Variants in CEP152 observed in about 807,000 individuals in gnomAD.
CEP152 encodes the protein centrosomal protein 152, also known as centrosomal protein of 152 kDa.
In CEP152, 132 loss-of-function variants were observed where a neutral mutation model predicts 188.9. That is an observed-to-expected ratio of 0.70 (90% CI 0.61 to 0.81). The LOEUF is 0.81. Among genes scored for constraint, CEP152 ranks in the 30% least tolerant of loss-of-function variants. The pLI is 0.00. For synonymous variants in CEP152, 649 were observed against 666.6 expected, an observed-to-expected ratio of 0.97 and a Z score of 0.41; for missense variants, 1,914 against 1,969.8, an observed-to-expected ratio of 0.97 and a Z score of 0.54.
intron 2 of CEP152, among the ~76,000 whole-genome samples, chr15:48,798,956 CTTAAA>C (rs1897502705): frequency 6.6e-6 from 1 of 152,102 alleles, no homozygotes; most frequent in Non-Finnish European, 1.5e-5. Flanking sequence ...TAATGTATTT[CTTAAA>C]TTATGTAACA....
intron 8 of CEP152, chr15:48,789,308 C>A: frequency 2.3e-6 from 1 of 426,912 alleles, no homozygotes; most frequent in Non-Finnish European, 4.4e-6. Context: ...CTGCTGATGC[C>A]GTGATGGCCC....
chr15:48,743,615 C>T (rs1432766382), intron 24 of CEP152, among the ~76,000 whole-genome samples: 1 of 152,176 alleles, frequency 6.6e-6, no homozygotes, highest in African/African-American at 2.4e-5. Flanking sequence ...GTAATCCCAG[C>T]ACTTTGCGAG....
Position 48,760,191 on chromosome 15 carries a change from C to A in CEP152, c.2638G>T (p.Val880Leu). Residue 880 changes from valine to leucine, a missense_variant, in exon 19 of 27, where the codon GTG (valine) becomes TTG (leucine). By Grantham distance (32) the Val-to-Leu change is conservative. Coordinates refer to ENST00000380950, the MANE Select transcript of CEP152 (RefSeq NM_001194998.2). ...LPELAEYQAL[V>L]KAEQKKWEEQ... Reference sequence around the variant, plus strand: ...TCCCACTTTTTCTGTTCTGCCTTCACAAGTGCTTGATACTCTGCCAGCTCT... The same window carrying A: ...TCCCACTTTTTCTGTTCTGCCTTCAAAAGTGCTTGATACTCTGCCAGCTCT... 1.2e-6 allele frequency: 2 copies of A among 1,614,100 alleles called. No individual in the cohort carries two copies. The highest frequency in any genetic ancestry group is 1.7e-6 in the Non-Finnish European group (2 of 1,179,976).
chr15:48,787,377 C>T (rs1376130790), intron 9 of CEP152, among the ~76,000 whole-genome samples: 4 of 151,898 alleles, frequency 2.6e-5, no homozygotes, highest in African/African-American at 9.6e-5. Context: ...CACTATTTTG[C>T]CCAGGCTAGT....
chr15:48,782,005 A>G (rs1896278670), intron 11 of CEP152, 134 bp downstream of exon 11: 3 of 760,492 alleles, frequency 3.9e-6, no homozygotes, highest in Non-Finnish European at 6.8e-6. Flanking sequence ...GGAGATGGTG[A>G]ACAACTCCCA....
In CEP152 at chr15:48,742,011, G is replaced by A. The variant is rs957548078; in HGVS notation, c.3925C>T (p.Arg1309Ter). 22 of 1,613,848 alleles carry A rather than the reference G, an allele frequency of 1.4e-5. No homozygotes were observed. The highest frequency in any genetic ancestry group is 3.3e-5 in the South Asian group (3 of 91,066). Residue 1309 changes from arginine to a stop codon, truncating the protein, a stop_gained, in exon 25 of 27, where the codon CGA (arginine) becomes TGA (stop). Coordinates refer to ENST00000380950, the MANE Select transcript of CEP152 (RefSeq NM_001194998.2). LOFTEE classifies it high-confidence loss of function. ...EVLRERQETARKMRKYYLICL... is the reference protein window; with the variant it reads ...EVLRERQETA ...ATCAAATAATATTTGCGCATCTTTC[G>A]GGCGGTTTCTTGACGTTCTCGCAGT... is the stretch of plus-strand genomic sequence containing the variant.
intron 13 of CEP152, among the ~76,000 whole-genome samples, chr15:48,769,498 C>T (rs191293993): frequency 1.3e-5 from 2 of 152,146 alleles, no homozygotes; most frequent in Non-Finnish European, 2.9e-5. Context: ...TTATTAAAAT[C>T]AGGTTATGCA....
At chr15:48,804,942 C>A (rs1238250478) in intron 2 of CEP152, among the ~76,000 whole-genome samples, 1 of 152,228 alleles carries the variant, frequency 6.6e-6, no homozygotes, top group Non-Finnish European at 1.5e-5. Flanking sequence ...TTCCCAACTT[C>A]CCAGCTTACA....
chr15:48,756,677 A>G, intron 19 of CEP152, 124 bp from the exon 20 acceptor site: 1 of 877,546 alleles, frequency 1.1e-6, no homozygotes, highest in Non-Finnish European at 1.7e-6. Flanking sequence ...TTAAAAGGAA[A>G]CATGATTTTA....
chr15:48,791,508 T>G (rs766425980), intron 7 of CEP152, 132 bp from the exon 8 acceptor site: 2 of 797,438 alleles, frequency 2.5e-6, no homozygotes, highest in Non-Finnish European at 4.0e-6. Context: ...AAAATGAACT[T>G]TAGTTGATTT....
chr15:48,761,495 C>CA (rs1894685967), intron 18 of CEP152, among the ~76,000 whole-genome samples: 1 of 152,150 alleles, frequency 6.6e-6, no homozygotes, highest in Admixed American at 6.5e-5. Context: ...GAGGTCAAAA[C>CA]TTTTTCCAAA....
intron 18 of CEP152, among the ~76,000 whole-genome samples, chr15:48,760,912 G>A (rs1044545102): frequency 1.3e-5 from 2 of 151,796 alleles, no homozygotes; most frequent in Non-Finnish European, 2.9e-5. Flanking sequence ...GTATATATAC[G>A]TACATACAAC....
At chr15:48,792,609 T>C (rs1897054006) in intron 7 of CEP152, among the ~76,000 whole-genome samples, 1 of 152,226 alleles carries the variant, frequency 6.6e-6, no homozygotes, top group Non-Finnish European at 1.5e-5. Flanking sequence ...TTTATGCTAA[T>C]TTGTAGCCTC....
At chr15:48,734,844 T>C (rs2140530205), downstream of CEP152, among the ~76,000 whole-genome samples, 1 of 152,282 alleles carries the variant, frequency 6.6e-6, no homozygotes, top group East Asian at 1.9e-4. Flanking sequence ...TAAAGGTATA[T>C]ATACCTAACA....
intron 5 of CEP152, among the ~76,000 whole-genome samples, chr15:48,796,786 A>G (rs1279273009): frequency 6.6e-6 from 1 of 152,146 alleles, no homozygotes; most frequent in Non-Finnish European, 1.5e-5. Flanking sequence ...CCCAGGAAAA[A>G]CAAGGTTTTT....
In CEP152 at chr15:48,809,584, C is replaced by T. The variant is rs534954288; in HGVS notation, c.-8+1377G>A. Among the ~76,000 whole-genome samples, 10 of 152,296 alleles carry T rather than the reference C, an allele frequency of 6.6e-5. No individual in the cohort carries two copies. In the South Asian group the frequency reaches 2.1e-3, roughly 32 times the overall value. ...CTAAGAATGAGGGCACTCATTCAGACAACCTGGGCTCAATTCTGGCTCTTC... is the reference window on the plus strand; with the variant it reads ...CTAAGAATGAGGGCACTCATTCAGATAACCTGGGCTCAATTCTGGCTCTTC... On this transcript the variant is annotated intron_variant, in intron 1 of 26. Transcript: ENST00000380950.
At chr15:48,733,109 A>T (rs1892480993), downstream of CEP152, among the ~76,000 whole-genome samples, 1 of 152,110 alleles carries the variant, frequency 6.6e-6, no homozygotes, top group Non-Finnish European at 1.5e-5. Context: ...ATATATATAA[A>T]ATGATGTTTT....
At chr15:48,736,808 AC>A (rs1892623077), downstream of CEP152, among the ~76,000 whole-genome samples, 1 of 152,190 alleles carries the variant, frequency 6.6e-6, no homozygotes, top group Non-Finnish European at 1.5e-5. Context: ...TGGATTTTGA[AC>A]CAAGTGGAAA....
At chr15:48,768,157 G>T in intron 15 of CEP152, 62 bp downstream of exon 15, 1 of 926,510 alleles carries the variant, frequency 1.1e-6, no homozygotes, top group Non-Finnish European at 1.8e-6. Flanking sequence ...ACAGGGAAGG[G>T]CAGGGACTTA....
Sources: gnomAD v4.1 joint callset for allele counts (sites outside exome capture counted in the v4.1 genomes callset) on GRCh38, gnomAD v4.1.1 for gene constraint, MANE v1.5 for transcripts, NCBI Gene and HGNC (gene_info 2026-07-23, HGNC 2026-07-21) for gene names.